Variants in PPM1D observed in about 807,000 individuals in gnomAD.
PPM1D encodes protein phosphatase 1D.
A neutral mutation model predicts 58.3 loss-of-function variants in PPM1D; 52 were observed. The ratio of observed to expected loss-of-function variants is 0.89; its 90% CI spans 0.71 to 1.12. The LOEUF (loss-of-function observed/expected upper bound fraction) is 1.12, where lower values mean the gene tolerates loss of function less well. PPM1D is among the 50% of genes most tolerant of loss of function. The pLI is 0.00. For synonymous variants in PPM1D, 278 were observed against 285.1 expected (o/e 0.98, Z 0.25); for missense variants, 564 against 777.2 (o/e 0.73, Z 3.26).
chr17:60,619,366 G>A (rs2030651700), intron 1 of PPM1D, among the ~76,000 whole-genome samples: 1 of 152,120 alleles, frequency 6.6e-6, no homozygotes, highest in Non-Finnish European at 1.5e-5. Context: ...GTATCTCTCT[G>A]AGAGACTGAT....
At chr17:60,620,863 G>A (rs1448930249) in intron 1 of PPM1D, among the ~76,000 whole-genome samples, 3 of 151,980 alleles carry the variant, frequency 2.0e-5, no homozygotes, top group African/African-American at 4.8e-5. Context: ...GACCAACGTC[G>A]AGATTTTTCC....
Position 60,664,920 on chromosome 17 carries a change from ATC to A in PPM1D, c.*1375_*1376del, listed in dbSNP as rs2031591505. 2 of 141,352 alleles carry A rather than the reference ATC, an allele frequency of 1.4e-5. No individual in the cohort carries two copies. The highest frequency in any genetic ancestry group is 2.1e-4 in the East Asian group (1 of 4,780). The allele number at this position is 141,352 out of a possible 1,614,324, so 8.8% of individuals were successfully genotyped here. On this transcript the variant is annotated 3_prime_UTR_variant, in exon 6 of 6. Transcript: ENST00000305921. ...GGGTTCAAGTGATTCTCCTGCCTCA[ATC>A]TCTCTCCCCAGAAGCTGGGATTACA...
chr17:60,654,791 C>A (rs2031404304), intron 4 of PPM1D, among the ~76,000 whole-genome samples: 1 of 150,896 alleles, frequency 6.6e-6, no homozygotes, highest in Non-Finnish European at 1.5e-5. Context: ...TCACTTGAAC[C>A]TGGGAGGCGG....
At chr17:60,636,329 A>G (rs1286937370) in intron 3 of PPM1D, among the ~76,000 whole-genome samples, 1 of 152,208 alleles carries the variant, frequency 6.6e-6, no homozygotes, top group East Asian at 1.9e-4. Context: ...TATTCACCAA[A>G]TATTTATTAA....
chr17:60,629,318 A>G (rs1287723097), intron 2 of PPM1D, among the ~76,000 whole-genome samples: 1 of 152,200 alleles, frequency 6.6e-6, no homozygotes, highest in Admixed American at 6.5e-5. Context: ...GGTTTCTGTG[A>G]CACATGAAGC....
At chr17:60,642,680 A>T (rs951886290) in intron 3 of PPM1D, among the ~76,000 whole-genome samples, 1 of 151,944 alleles carries the variant, frequency 6.6e-6, no homozygotes, top group African/African-American at 2.4e-5. Context: ...GATGGTCTAA[A>T]TCTCTTGACC....
In PPM1D at chr17:60,628,132, G is replaced by A. The variant is rs142514752; in HGVS notation, c.701+4383G>A. Among the ~76,000 whole-genome samples, 1,193 of 152,292 alleles carry A rather than the reference G, an allele frequency of 7.8e-3. 5 individuals are homozygous for A. Among genetic ancestry groups the A allele is most frequent in the Middle Eastern group, 0.02 (6 of 294 alleles). On this transcript the variant is annotated intron_variant, in intron 2 of 5. Coordinates refer to ENST00000305921, the MANE Select transcript of PPM1D (RefSeq NM_003620.4). ...CAAAGTGCTGGCATTTCAGGTGTGAGCCACTGCTCCCGGCCCTGAATTGAA... is the reference window on the plus strand; with the variant it reads ...CAAAGTGCTGGCATTTCAGGTGTGAACCACTGCTCCCGGCCCTGAATTGAA...
At position 60,600,411 on chromosome 17, in the gene PPM1D, G is replaced by T; in HGVS notation, c.-4G>T. ...GGGACCGGCGGGATCCCGGCCAGCCGGCCATGGCGGGGCTGTACTCGCTGG... is the reference window on the plus strand; with the variant it reads ...GGGACCGGCGGGATCCCGGCCAGCCTGCCATGGCGGGGCTGTACTCGCTGG... On this transcript the variant is annotated 5_prime_UTR_variant, in exon 1 of 6. Coordinates refer to ENST00000305921, the MANE Select transcript of PPM1D (RefSeq NM_003620.4). 1 of 1,543,838 alleles carries T rather than the reference G, an allele frequency of 6.5e-7. No individual in the cohort carries two copies. The highest frequency in any genetic ancestry group is 8.7e-7 in the Non-Finnish European group (1 of 1,145,528).
Position 60,656,600 on chromosome 17 carries a change from G to A in PPM1D, c.1019G>A (p.Gly340Asp), listed in dbSNP as rs202110237. Residue 340 changes from glycine to aspartate, a missense_variant and splice_region_variant, in exon 5 of 6, where the codon GGT becomes GAT. Physicochemically the swap from Gly to Asp is moderately conservative, Grantham distance 94. Coordinates refer to ENST00000305921, the MANE Select transcript of PPM1D (RefSeq NM_003620.4). The stretch of plus-strand genomic sequence containing the variant: ...TTCTCCTTGTTCTTTTGAATACAGG[G>A]TGAGCATGGACAATCTTGTGCCAAA... Reference protein sequence around the residue: ...QDQEEKKYLMGEHGQSCAKML... With the variant: ...QDQEEKKYLMDEHGQSCAKML... 1 of 1,613,978 alleles carries A rather than the reference G, an allele frequency of 6.2e-7. No homozygotes were observed. Among genetic ancestry groups the A allele is most frequent in the East Asian group, 2.2e-5 (1 of 44,876 alleles).
At chr17:60,606,547 A>G (rs2088074104) in intron 1 of PPM1D, among the ~76,000 whole-genome samples, 1 of 151,968 alleles carries the variant, frequency 6.6e-6, no homozygotes. Flanking sequence ...CCATATTCTA[A>G]CGCTTGTTAA....
intron 3 of PPM1D, among the ~76,000 whole-genome samples, chr17:60,636,323 C>T (rs2031021142): frequency 6.6e-6 from 1 of 152,142 alleles, no homozygotes; most frequent in African/African-American, 2.4e-5. Flanking sequence ...GTTCTTTATT[C>T]ACCAAATATT....
At chr17:60,655,191 A>G (rs542709572) in intron 4 of PPM1D, among the ~76,000 whole-genome samples, 1 of 152,138 alleles carries the variant, frequency 6.6e-6, no homozygotes, top group East Asian at 1.9e-4. Flanking sequence ...GATTTTGTTT[A>G]TATTCTTTGA....
chr17:60,633,227 G>C (rs2030962330), intron 2 of PPM1D, among the ~76,000 whole-genome samples: 1 of 152,142 alleles, frequency 6.6e-6, no homozygotes, highest in African/African-American at 2.4e-5. Context: ...GGAGGTTGTG[G>C]TGAGCTGAGA....
chr17:60,600,324 AAACAATAGTTGGCCGGCGAGCGC>A lies in PPM1D; in HGVS notation c.-90_-68del. The A allele has an allele frequency of 6.7e-7, 1 of 1,490,344 alleles. No homozygotes were observed. Among genetic ancestry groups the A allele is most frequent in the Non-Finnish European group, 8.9e-7 (1 of 1,125,272 alleles). 92.3% of individuals were successfully genotyped at this position (1,490,344 alleles called of 1,614,324 possible). A position where few individuals can be genotyped will look rare whatever the true frequency, so the allele number is the denominator to read the frequency against. ...CCCCCTTCTCGGCGTCGTCGAAGAT[AAACAATAGTTGGCCGGCGAGCGC>A]CTAGTGTGTCTCCCGCCGCCGGATT... On this transcript the variant is annotated 5_prime_UTR_variant, in exon 1 of 6. Coordinates refer to ENST00000305921, the MANE Select transcript of PPM1D (RefSeq NM_003620.4).
intron 1 of PPM1D, among the ~76,000 whole-genome samples, chr17:60,603,164 T>G (rs1189029599): frequency 6.6e-6 from 1 of 152,196 alleles, no homozygotes; most frequent in Non-Finnish European, 1.5e-5. Context: ...TCTTTTGGAA[T>G]TGAGCACCCT....
At chr17:60,649,793 A>G (rs1015978911) in intron 4 of PPM1D, among the ~76,000 whole-genome samples, 2 of 152,202 alleles carry the variant, frequency 1.3e-5, no homozygotes, top group East Asian at 1.9e-4. Flanking sequence ...AGCACTTACC[A>G]TATTATTATA....
At chr17:60,622,275 A>AT (rs1237767676) in intron 1 of PPM1D, among the ~76,000 whole-genome samples, 1 of 150,074 alleles carries the variant, frequency 6.7e-6, no homozygotes, top group East Asian at 1.9e-4. Flanking sequence ...CTGCATTTTT[A>AT]TTTTTTTTCT....
intron 4 of PPM1D, among the ~76,000 whole-genome samples, chr17:60,651,780 A>G (rs752558539): frequency 2.6e-5 from 4 of 152,214 alleles, no homozygotes; most frequent in Admixed American, 2.6e-4. Context: ...GGTATTCTAC[A>G]TGAAGAAAAC....
intron 1 of PPM1D, among the ~76,000 whole-genome samples, chr17:60,619,425 G>A (rs573788056): frequency 2.0e-5 from 3 of 151,870 alleles, no homozygotes; most frequent in African/African-American, 7.2e-5. Flanking sequence ...TGAGTCATAT[G>A]GTACTTCTAT....
Sources: allele counts gnomAD v4.1 joint callset (sites outside exome capture counted in the v4.1 genomes callset), GRCh38; gene constraint gnomAD v4.1.1; transcripts MANE v1.5; gene names NCBI Gene and HGNC (gene_info 2026-07-23, HGNC 2026-07-21).